The following KDM3B variants were observed in gnomAD, a reference collection of about 807,000 sequenced individuals.
The protein encoded by KDM3B is lysine demethylase 3B.
A neutral mutation model predicts 170.0 loss-of-function variants in KDM3B; 10 were observed. The ratio of observed to expected loss-of-function variants is 0.06; its 90% CI spans 0.04 to 0.10. The LOEUF (loss-of-function observed/expected upper bound fraction) is 0.10. Among genes scored for constraint, KDM3B ranks in the 10% least tolerant of loss-of-function variants. The pLI, the probability that KDM3B is intolerant of heterozygous loss-of-function variation, is 1.00. For synonymous variants in KDM3B, 831 were observed against 834.8 expected, an observed-to-expected ratio of 1.00 and a Z score of 0.08; for missense variants, 1,394 against 2,195.2, an observed-to-expected ratio of 0.64 and a Z score of 7.29.
intron 10 of KDM3B, 45 bp from the exon 11 acceptor site, chr5:138,399,815 T>C (rs1234009628): frequency 1.3e-6 from 2 of 1,586,338 alleles, no homozygotes; most frequent in East Asian, 2.3e-5. Flanking sequence ...TCTTTTGTTA[T>C]TGGTCAGGAT....
In KDM3B at chr5:138,393,456, T is replaced by A. The variant is rs1762482443; in HGVS notation, c.2831+84T>A. On this transcript the variant is annotated intron_variant, in intron 9 of 23. Coordinates refer to ENST00000314358, the MANE Select transcript of KDM3B (RefSeq NM_016604.4). ...CTCTTTCTCTGAGTCTATAAACATG[T>A]TTCATCATCTTGGTCTTTGCTTTCC... 3.5e-6 allele frequency: 4 copies of A among 1,153,118 alleles called. No homozygotes were observed. The East Asian group carries it at 1.0e-4, about 29-fold the overall frequency. The allele number at this position is 1,153,118 out of a possible 1,614,324, so 71.4% of individuals were successfully genotyped here. A position where few individuals can be genotyped will look rare whatever the true frequency, so the allele number is the denominator to read the frequency against.
intron 11 of KDM3B, among the ~76,000 whole-genome samples, chr5:138,403,224 A>C (rs886379983): frequency 7.9e-5 from 12 of 152,232 alleles, no homozygotes; most frequent in African/African-American, 2.7e-4. Flanking sequence ...TATTTAAAGG[A>C]GCACCCTTCA....
At chr5:138,368,395 G>GT (rs36060903) in intron 1 of KDM3B, among the ~76,000 whole-genome samples, 2,617 of 148,480 alleles carry the variant, frequency 0.018, 26 homozygotes, top group Non-Finnish European at 0.027. Flanking sequence ...ACCATGCCTG[G>GT]TTTTTTTTTT....
chr5:138,389,761 CTTCT>C (rs1467816354), intron 7 of KDM3B, among the ~76,000 whole-genome samples: 1 of 132,046 alleles, frequency 7.6e-6, no homozygotes, highest in African/African-American at 2.7e-5. Flanking sequence ...CTATGGGTCT[CTTCT>C]CTCTCTCTCT....
At chr5:138,419,718 T>TACATACACATAC (rs1763216531) in intron 14 of KDM3B, among the ~76,000 whole-genome samples, 1 of 63,688 alleles carries the variant, frequency 1.6e-5, no homozygotes, top group African/African-American at 7.7e-5. Context: ...CACATATATA[T>TACATACACATAC]ACACACACAT....
At chr5:138,399,291 G>A (rs2126961171) in intron 10 of KDM3B, among the ~76,000 whole-genome samples, 1 of 151,970 alleles carries the variant, frequency 6.6e-6, no homozygotes, top group South Asian at 2.1e-4. Context: ...TGTAATCCCA[G>A]CACTTTGGGA....
intron 7 of KDM3B, 136 bp downstream of exon 7, chr5:138,386,757 G>T: frequency 8.6e-7 from 1 of 1,169,244 alleles, no homozygotes; most frequent in Non-Finnish European, 1.2e-6. Flanking sequence ...CTCTGTGGAA[G>T]GCCTTTACTG....
chr5:138,428,216 TG>T (rs60807705), intron 20 of KDM3B, 130 bp downstream of exon 20: 4 of 930,852 alleles, frequency 4.3e-6, no homozygotes, highest in Non-Finnish European at 6.3e-6. Flanking sequence ...TTTTTTTTTT[TG>T]GGGGGCGGGG....
intron 3 of KDM3B, 113 bp from the exon 4 acceptor site, chr5:138,377,607 T>C: frequency 1.4e-6 from 1 of 707,628 alleles, no homozygotes; most frequent in Non-Finnish European, 2.4e-6. Context: ...GTTCTATAGA[T>C]ATTGTTTGGC....
In KDM3B at chr5:138,381,660, A is replaced by C. The variant is rs1762129222; in HGVS notation, c.780+70A>C. 3.3e-6 allele frequency: 3 copies of C among 920,322 alleles called. No homozygotes were observed. The East Asian group carries it at 7.6e-5, about 23-fold the overall frequency. The allele number at this position is 920,322 out of a possible 1,614,324, so 57.0% of individuals were successfully genotyped here. On this transcript the variant is annotated intron_variant, in intron 6 of 23. Transcript: ENST00000314358. ...TTATCTTGCTGTGTGTAGATCCCTT[A>C]TATATGTGTTTTCCATGGATGCCTT...
At chr5:138,361,379 C>G (rs1385050419) in intron 1 of KDM3B, among the ~76,000 whole-genome samples, 2 of 150,722 alleles carry the variant, frequency 1.3e-5, no homozygotes, top group East Asian at 3.9e-4. Context: ...CAGAGGTAAT[C>G]AGGCTCTAGG....
chr5:138,385,114 C>T (rs554778783), intron 6 of KDM3B, among the ~76,000 whole-genome samples: 21 of 151,898 alleles, frequency 1.4e-4, no homozygotes, highest in Admixed American at 1.0e-3. Flanking sequence ...CTTCCCCTCC[C>T]GGGTTCAAGT....
chr5:138,375,717 C>A (rs1002079836), intron 3 of KDM3B, among the ~76,000 whole-genome samples: 1 of 151,330 alleles, frequency 6.6e-6, no homozygotes, highest in Non-Finnish European at 1.5e-5. Context: ...GCTCTTGTTG[C>A]CCAGGCTGGA....
chr5:138,402,907 G>A (rs868684135), intron 11 of KDM3B, among the ~76,000 whole-genome samples: 2 of 152,184 alleles, frequency 1.3e-5, no homozygotes, highest in Non-Finnish European at 2.9e-5. Context: ...GTGCTGAAAA[G>A]GCTGGAACTC....
At chr5:138,371,851 CGGT>C (rs1278582708) in intron 1 of KDM3B, among the ~76,000 whole-genome samples, 2 of 152,066 alleles carry the variant, frequency 1.3e-5, no homozygotes, top group Non-Finnish European at 2.9e-5. Flanking sequence ...AGGCTGGGCA[CGGT>C]GGCTCATGCC....
At chr5:138,358,367 C>T (rs1407917208) in intron 1 of KDM3B, among the ~76,000 whole-genome samples, 3 of 138,342 alleles carry the variant, frequency 2.2e-5, no homozygotes, top group Non-Finnish European at 3.1e-5. Flanking sequence ...TGCAGTGGCG[C>T]GATCTCAGCT....
At chr5:138,360,970 A>G (rs1247461115) in intron 1 of KDM3B, among the ~76,000 whole-genome samples, 1 of 152,034 alleles carries the variant, frequency 6.6e-6, no homozygotes, top group African/African-American at 2.4e-5. Context: ...TTTTTTAAAT[A>G]CACAGCTTCC....
rs528014367 is a variant in KDM3B, at chr5:138,366,986, C to T, written c.193-5688C>T. 2.6e-5 allele frequency among the ~76,000 whole-genome samples: 4 copies of T among 152,266 alleles called. No homozygotes were observed. The South Asian group carries it at 6.2e-4, about 24-fold the overall frequency. ...TACTACTCCCAGAACACTTGATCTG[C>T]GTTTATTTTTCTCTGCCTTTGTACC... On this transcript the variant is annotated intron_variant, in intron 1 of 23. Transcript: ENST00000314358.
intron 22 of KDM3B, 119 bp from the exon 23 acceptor site, chr5:138,431,305 TA>T: frequency 1.2e-6 from 1 of 846,856 alleles, no homozygotes; most frequent in Non-Finnish European, 1.7e-6. Context: ...TGTGTTGTTA[TA>T]AAAATGGAAA....
Sources: gnomAD v4.1 joint callset for allele counts (sites outside exome capture counted in the v4.1 genomes callset) on GRCh38, gnomAD v4.1.1 for gene constraint, MANE v1.5 for transcripts, NCBI Gene and HGNC (gene_info 2026-07-23, HGNC 2026-07-21) for gene names.